Variants in TGFB2 observed in about 807,000 individuals in gnomAD.
The protein encoded by TGFB2 is transforming growth factor beta-2 proprotein.
A neutral mutation model predicts 42.7 loss-of-function variants in TGFB2; 13 were observed. That is an observed-to-expected ratio of 0.30 (90% CI 0.20 to 0.48). The LOEUF (loss-of-function observed/expected upper bound fraction) is 0.48, where lower values mean the gene tolerates loss of function less well. TGFB2 is among the 20% of genes least tolerant of loss of function. The pLI, the probability that TGFB2 is intolerant of heterozygous loss-of-function variation, is 0.99. For missense variants in TGFB2, 390 were observed against 517.5 expected (o/e 0.75, Z 2.39); for synonymous variants, 193 against 193.6 (o/e 1.00, Z 0.03).
rs1558220436 is a variant in TGFB2, at chr1:218,347,045, AAAGT to A, written c.346+4_346+7del. ...GACATGCCGCCCTTCTTCCCCTCCG[AAAGT>A]AAGTACTTATTTTGACTTCCATCCC... On this transcript the variant is annotated splice_donor_variant and coding_sequence_variant, in exon 1 of 7. Coordinates refer to ENST00000366930, the MANE Select transcript of TGFB2 (RefSeq NM_003238.6). LOFTEE classifies it high-confidence loss of function. The A allele has an allele frequency of 6.4e-7, 1 of 1,573,420 alleles. No individual in the cohort carries two copies. Among genetic ancestry groups the A allele is most frequent in the South Asian group, 1.2e-5 (1 of 86,728 alleles).
intron 1 of TGFB2, among the ~76,000 whole-genome samples, chr1:218,349,338 C>T (rs1558221717): frequency 6.6e-6 from 1 of 150,954 alleles, no homozygotes; most frequent in East Asian, 1.9e-4. Context: ...CAAACCCTTC[C>T]AAAAAAAAGG....
intron 1 of TGFB2, among the ~76,000 whole-genome samples, chr1:218,394,839 A>T (rs2102582886): frequency 6.6e-6 from 1 of 152,252 alleles, no homozygotes; most frequent in South Asian, 2.1e-4. Flanking sequence ...GACAAATTTC[A>T]GAAAACCCCA....
At chr1:218,423,523 T>A (rs1424651783) in intron 2 of TGFB2, among the ~76,000 whole-genome samples, 1 of 152,110 alleles carries the variant, frequency 6.6e-6, no homozygotes, top group Non-Finnish European at 1.5e-5. Context: ...TTTTGTTTTG[T>A]TTTTTAGGAG....
At chr1:218,363,773 G>T (rs1657294718) in intron 1 of TGFB2, among the ~76,000 whole-genome samples, 2 of 152,142 alleles carry the variant, frequency 1.3e-5, no homozygotes, top group Admixed American at 1.3e-4. Flanking sequence ...TCAAGGGAAT[G>T]TTCCTTTTTA....
chr1:218,437,512 A>G lies in TGFB2; in HGVS notation c.1086+16A>G. 1 of 1,598,890 alleles carries G rather than the reference A, an allele frequency of 6.3e-7. No homozygotes were observed. The highest frequency in any genetic ancestry group is 8.5e-7 in the Non-Finnish European group (1 of 1,173,366). On this transcript the variant is annotated intron_variant, in intron 6 of 6. Coordinates refer to ENST00000366930, the MANE Select transcript of TGFB2 (RefSeq NM_003238.6). ...GCACAGCAGGGTGAGTGTTCAGCTT[A>G]CCTGTTGCCTCTGTTCTTGGGTTAC...
intron 1 of TGFB2, among the ~76,000 whole-genome samples, chr1:218,373,840 G>A (rs898323442): frequency 6.6e-5 from 10 of 152,190 alleles, no homozygotes. Context: ...AGACAAGTCT[G>A]GATGTGTTTC....
chr1:218,414,448 C>G (rs536061936), intron 2 of TGFB2, among the ~76,000 whole-genome samples: 86 of 152,278 alleles, frequency 5.6e-4, no homozygotes, highest in African/African-American at 1.5e-3. Context: ...CTGATCCTAG[C>G]CCCGGCGCCA....
chr1:218,433,088 A>G (rs909815824), intron 2 of TGFB2, among the ~76,000 whole-genome samples: 2 of 151,828 alleles, frequency 1.3e-5, no homozygotes, highest in African/African-American at 4.8e-5. Context: ...TTTGTTTTTG[A>G]GAGGCAATCC....
In TGFB2 at chr1:218,351,082, T is replaced by C. The variant is rs77900631; in HGVS notation, c.346+4035T>C. ...TTCCTCTGTAATTTTCCAAGTTAAA[T>C]TGTGGAATGTAGAATGAATACCAAT... On this transcript the variant is annotated intron_variant, in intron 1 of 6. Transcript: ENST00000366930. Among the ~76,000 whole-genome samples, 1,039 of 152,350 alleles carry C rather than the reference T, an allele frequency of 6.8e-3. 14 individuals carry two copies. Among genetic ancestry groups the C allele is most frequent in the African/African-American group, 0.023 (955 of 41,572 alleles).
intron 2 of TGFB2, among the ~76,000 whole-genome samples, chr1:218,422,951 AT>A (rs1659504456): frequency 1.3e-5 from 2 of 152,354 alleles, no homozygotes; most frequent in Admixed American, 1.3e-4. Context: ...GAACAAACAA[AT>A]TAACTGATCA....
rs398122885 is a variant in TGFB2, at chr1:218,434,381, C to T, written c.687C>T (p.Cys229=). The change falls in exon 4 of 7, where the codon TGC becomes TGT. Residue 229 remains cysteine, a synonymous_variant. Coordinates refer to ENST00000366930, the MANE Select transcript of TGFB2 (RefSeq NM_003238.6). ...GFKISLHCPC[C]TFVPSNNYII... Reference sequence around the variant, plus strand: ...AAATAAGCTTACACTGTCCCTGCTGCACTTTTGTACCATCTAATAATTACA... The same window carrying T: ...AAATAAGCTTACACTGTCCCTGCTGTACTTTTGTACCATCTAATAATTACA... The T allele has an allele frequency of 5.0e-6, 8 of 1,613,814 alleles. No individual in the cohort carries two copies. The South Asian group carries it at 7.7e-5, about 16-fold the overall frequency.
At chr1:218,410,088 G>A (rs948794327) in intron 2 of TGFB2, among the ~76,000 whole-genome samples, 2 of 152,198 alleles carry the variant, frequency 1.3e-5, no homozygotes, top group Non-Finnish European at 2.9e-5. Context: ...CACAGATGTT[G>A]GTTTCAAAGA....
intron 2 of TGFB2, among the ~76,000 whole-genome samples, chr1:218,410,295 G>C (rs1659053159): frequency 6.6e-6 from 1 of 152,154 alleles, no homozygotes; most frequent in African/African-American, 2.4e-5. Flanking sequence ...GGTTTGTCTT[G>C]TCCAGAGCTG....
intron 1 of TGFB2, among the ~76,000 whole-genome samples, chr1:218,387,800 G>A (rs1371763324): frequency 6.6e-6 from 1 of 152,208 alleles, no homozygotes; most frequent in African/African-American, 2.4e-5. Context: ...AAGGTGGTCT[G>A]ATTGAAGGCT....
intron 1 of TGFB2, among the ~76,000 whole-genome samples, chr1:218,388,842 G>A (rs1247344461): frequency 6.6e-6 from 1 of 152,220 alleles, no homozygotes; most frequent in Non-Finnish European, 1.5e-5. Context: ...CAGTTGAAAA[G>A]GCAGCTTGTT....
intron 1 of TGFB2, among the ~76,000 whole-genome samples, chr1:218,390,322 T>A (rs1037575704): frequency 5.3e-5 from 8 of 151,576 alleles, no homozygotes; most frequent in African/African-American, 1.9e-4. Context: ...ATATGACAGA[T>A]CTTAAGCTTC....
At chr1:218,390,526 A>C (rs982739146) in intron 1 of TGFB2, among the ~76,000 whole-genome samples, 1 of 152,174 alleles carries the variant, frequency 6.6e-6, no homozygotes, top group African/African-American at 2.4e-5. Flanking sequence ...GCCTCTGTGC[A>C]CAAAAATAAT....
At chr1:218,380,972 T>C (rs899489795) in intron 1 of TGFB2, among the ~76,000 whole-genome samples, 8 of 151,810 alleles carry the variant, frequency 5.3e-5, no homozygotes, top group African/African-American at 1.7e-4. Flanking sequence ...CCCTACTTTG[T>C]AGATGGGAAA....
At chr1:218,378,090 C>T (rs929975048) in intron 1 of TGFB2, among the ~76,000 whole-genome samples, 1 of 152,132 alleles carries the variant, frequency 6.6e-6, no homozygotes, top group Non-Finnish European at 1.5e-5. Context: ...ATTCTCCTGC[C>T]TTAGTCTCCT....
Sources: allele counts gnomAD v4.1 joint callset (sites outside exome capture counted in the v4.1 genomes callset), GRCh38; gene constraint gnomAD v4.1.1; transcripts MANE v1.5; gene names NCBI Gene and HGNC (gene_info 2026-07-23, HGNC 2026-07-21).